The following EGLN1 variants were observed in gnomAD, a reference collection of about 807,000 sequenced individuals.
The protein encoded by EGLN1 is egl nine homolog 1.
A neutral mutation model predicts 38.3 loss-of-function variants in EGLN1; 17 were observed. The observed-to-expected ratio is 0.44, with a 90% CI of 0.30 to 0.67. The LOEUF (loss-of-function observed/expected upper bound fraction) is 0.67. Among genes scored for constraint, EGLN1 ranks in the 30% least tolerant of loss-of-function variants. The probability of loss-of-function intolerance (pLI) is 0.08; values close to 1 mark genes in which losing one functional copy is unlikely to be tolerated. For synonymous variants in EGLN1, 283 were observed against 257.5 expected, an observed-to-expected ratio of 1.10 and a Z score of -0.95; for missense variants, 477 against 603.3, an observed-to-expected ratio of 0.79 and a Z score of 2.19.
chr1:231,419,203 G>C (rs1487054808), intron 1 of EGLN1, among the ~76,000 whole-genome samples: 1 of 152,080 alleles, frequency 6.6e-6, no homozygotes, highest in Admixed American at 6.6e-5. Context: ...GTACAGTTAC[G>C]TGACTTAAAA....
rs912376729 is a variant in EGLN1 at position 231,420,913 on chromosome 1, T to G, written c.891+85A>C. 19 of 1,611,534 alleles carry G rather than the reference T, an allele frequency of 1.2e-5. No individual in the cohort carries two copies. The African/African-American group carries it at 2.4e-4, about 20-fold the overall frequency. ...TCCCTTCTATATAGAGGAATGCTGCTTCTCAGCCTAGGCAGTTTCAGTCGC... is the reference window on the plus strand; with the variant it reads ...TCCCTTCTATATAGAGGAATGCTGCGTCTCAGCCTAGGCAGTTTCAGTCGC... On this transcript the variant is annotated intron_variant, in intron 1 of 4. Transcript: ENST00000366641.
Position 231,420,878 on chromosome 1 carries a change from A to G in EGLN1, c.891+120T>C, listed in dbSNP as rs552297732. On this transcript the variant is annotated intron_variant, in intron 1 of 4. Transcript: ENST00000366641. ...TCTTCCTTACGGGGAGCTACACAAG[A>G]AAGAGCGAGTCCCTTCTATATAGAG... 15 of 1,593,826 alleles carry G rather than the reference A, an allele frequency of 9.4e-6. No homozygotes were observed. The East Asian group carries it at 3.1e-4, about 33-fold the overall frequency.
intron 1 of EGLN1, among the ~76,000 whole-genome samples, chr1:231,399,436 T>C (rs946862253): frequency 6.6e-6 from 1 of 152,010 alleles, no homozygotes; most frequent in African/African-American, 2.4e-5. Context: ...TAGAGAAGAA[T>C]GTTGACACCA....
Position 231,421,242 on chromosome 1 carries a change from T to A in EGLN1, c.647A>T (p.Lys216Met). 2 of 1,613,922 alleles carry A rather than the reference T, an allele frequency of 1.2e-6. No homozygotes were observed. Among genetic ancestry groups the A allele is most frequent in the Admixed American group, 1.7e-5 (1 of 60,022 alleles). ...GTCGCCGATCTGCTGTCCGGTCTCC[T>A]TGCCGAGGAAGTCGTCCACCACACA... Reference protein sequence around the residue: ...GICVVDDFLGKETGQQIGDEV... With the variant: ...GICVVDDFLGMETGQQIGDEV... The change falls in exon 1 of 5, where the codon AAG becomes ATG. Residue 216 changes from lysine to methionine, a missense_variant. Around this residue, in one of 4 missense-constraint regions of EGLN1, gnomAD observed 119 missense variants for 179.0 expected, o/e 0.66. Transcript: ENST00000366641. This position sits in a 1 kb window ranked among gnomAD's most constrained non-coding sequence, Gnocchi z 5.5.
intron 1 of EGLN1, among the ~76,000 whole-genome samples, chr1:231,406,137 G>C (rs1688786147): frequency 7.1e-6 from 1 of 141,434 alleles, no homozygotes; most frequent in Non-Finnish European, 1.5e-5. Flanking sequence ...AGTCCAGCCT[G>C]GGCGACAGAG....
chr1:231,378,821 C>T (rs2790890), intron 1 of EGLN1, among the ~76,000 whole-genome samples: 87,690 of 151,980 alleles, frequency 0.58, 26,084 homozygotes, highest in Non-Finnish European at 0.65. Context: ...TGATGGGTTA[C>T]AGAACTATTA....
intron 4 of EGLN1, 101 bp downstream of exon 4, chr1:231,367,468 A>G: frequency 6.9e-6 from 8 of 1,163,246 alleles, no homozygotes; most frequent in Non-Finnish European, 1.0e-5. Flanking sequence ...AAAAGTAAGT[A>G]TTCATGGTGT....
intron 1 of EGLN1, among the ~76,000 whole-genome samples, chr1:231,415,574 G>T (rs1016332041): frequency 3.9e-5 from 6 of 152,174 alleles, no homozygotes; most frequent in Admixed American, 3.9e-4. Context: ...ATTCTTAAAA[G>T]AATCAGAAAG....
chr1:231,406,656 A>T (rs1178175859), intron 1 of EGLN1, among the ~76,000 whole-genome samples: 2 of 152,074 alleles, frequency 1.3e-5, no homozygotes, highest in Non-Finnish European at 2.9e-5. Context: ...AAATGCTTAA[A>T]AATGTTTAGT....
intron 1 of EGLN1, among the ~76,000 whole-genome samples, chr1:231,398,138 C>A (rs1688578286): frequency 6.6e-6 from 1 of 152,102 alleles, no homozygotes; most frequent in South Asian, 2.1e-4. Context: ...ACACTTAAAA[C>A]CGAAATATTT....
At chr1:231,369,148 C>G (rs1422822693) in intron 3 of EGLN1, among the ~76,000 whole-genome samples, 2 of 152,102 alleles carry the variant, frequency 1.3e-5, no homozygotes, top group Non-Finnish European at 2.9e-5. Context: ...CATGCCTTAA[C>G]TTGAACAACT....
intron 1 of EGLN1, among the ~76,000 whole-genome samples, chr1:231,404,982 T>C (rs1288215121): frequency 1.3e-5 from 2 of 152,106 alleles, no homozygotes; most frequent in Admixed American, 6.5e-5. Context: ...TAAGCAACAA[T>C]AGATTCGCTT....
At chr1:231,402,299 T>C (rs564115708) in intron 1 of EGLN1, among the ~76,000 whole-genome samples, 2 of 147,398 alleles carry the variant, frequency 1.4e-5, no homozygotes, top group Admixed American at 6.9e-5. Context: ...AACGTTTTAA[T>C]GTTGACATGG....
intron 1 of EGLN1, among the ~76,000 whole-genome samples, chr1:231,401,376 G>A (rs1303593120): frequency 6.6e-6 from 1 of 152,086 alleles, no homozygotes; most frequent in Non-Finnish European, 1.5e-5. Context: ...ATAGTGCTTG[G>A]TACACAATAA....
At chr1:231,404,372 T>C (rs1397468998) in intron 1 of EGLN1, among the ~76,000 whole-genome samples, 1 of 152,172 alleles carries the variant, frequency 6.6e-6, no homozygotes, top group Non-Finnish European at 1.5e-5. Flanking sequence ...ACTTTTATTA[T>C]TTTGTTTTTA....
At chr1:231,387,043 C>G (rs569834174) in intron 1 of EGLN1, among the ~76,000 whole-genome samples, 1 of 151,670 alleles carries the variant, frequency 6.6e-6, no homozygotes, top group African/African-American at 2.4e-5. Flanking sequence ...ATGTTTTGTA[C>G]AGATGAGGTC....
chr1:231,375,986 G>A (rs1299827199), intron 1 of EGLN1, among the ~76,000 whole-genome samples: 1 of 152,078 alleles, frequency 6.6e-6, no homozygotes, highest in Non-Finnish European at 1.5e-5. Flanking sequence ...GAAGGAAGGG[G>A]AAAATATTTG....
At chr1:231,409,972 C>T (rs1057232706) in intron 1 of EGLN1, among the ~76,000 whole-genome samples, 2 of 151,670 alleles carry the variant, frequency 1.3e-5, no homozygotes, top group South Asian at 2.1e-4. Context: ...CTTCCATGAG[C>T]GCATAAGATA....
At chr1:231,376,534 T>C (rs1687962122) in intron 1 of EGLN1, among the ~76,000 whole-genome samples, 1 of 152,216 alleles carries the variant, frequency 6.6e-6, no homozygotes, top group South Asian at 2.1e-4. Flanking sequence ...TAGGTATGTA[T>C]GTACAGGAAA....
Sources: gnomAD v4.1 joint callset for allele counts (sites outside exome capture counted in the v4.1 genomes callset) on GRCh38, gnomAD v4.1.1 for gene constraint, gnomAD v4.1.1 regional missense constraint, Gnocchi (gnomAD v3.1) non-coding constraint, MANE v1.5 for transcripts, NCBI Gene and HGNC (gene_info 2026-07-23, HGNC 2026-07-21) for gene names.